The following RBL2 variants were observed in gnomAD, a reference collection of about 807,000 sequenced individuals.
RBL2 encodes the protein RB transcriptional corepressor like 2.
RBL2 carries 56 observed loss-of-function variants against 126.0 expected under a neutral mutation model. That is an observed-to-expected ratio of 0.44 (90% confidence interval 0.36 to 0.56). The LOEUF is 0.56. Among genes scored for constraint, RBL2 ranks in the 20% least tolerant of loss-of-function variants. The pLI is 0.00. For missense variants in RBL2, 1,229 were observed against 1,398.2 expected (o/e 0.88, Z 1.93); for synonymous variants, 454 against 478.5 (o/e 0.95, Z 0.67).
Position 53,459,581 on chromosome 16 carries a change from G to A in RBL2, c.1310G>A (p.Arg437Lys). ...CTTCACACCATGCTGACAGGCCTCA[G>A]GAATGCACCAAGTGAGAAACTGGAA... ...SRLHTMLTGL[R>K]NAPSEKLEQI... Residue 437 changes from arginine (R) to lysine (K), a missense_variant, in exon 9 of 22, where the codon AGG becomes AAG. Arg to Lys is a conservative substitution (Grantham distance 26). Around this residue, in one of 2 missense-constraint regions of RBL2, gnomAD observed 1,070 missense variants for 1,274.3 expected, o/e 0.84. Coordinates refer to ENST00000262133, the MANE Select transcript of RBL2 (RefSeq NM_005611.4). The A allele has an allele frequency of 1.3e-6, 2 of 1,579,222 alleles. No homozygotes were observed. The highest frequency in any genetic ancestry group is 8.6e-7 in the Non-Finnish European group (1 of 1,167,230).
At chr16:53,462,522 G>A (rs747868703) in intron 10 of RBL2, 30 bp from the exon 11 acceptor site, 6 of 1,325,892 alleles carry the variant, frequency 4.5e-6, no homozygotes, top group South Asian at 2.7e-5. Context: ...TGCCATTTTT[G>A]TGGGGTTTTT....
At chr16:53,443,030 A>G (rs1241992512) in intron 3 of RBL2, among the ~76,000 whole-genome samples, 172 bp downstream of exon 3, 2 of 151,956 alleles carry the variant, frequency 1.3e-5, no homozygotes. Flanking sequence ...TGGGTTAGCC[A>G]TGAAGAGTGG....
rs370755850 is a variant in RBL2, at chr16:53,456,191, G to C, written c.1179+1349G>C. On this transcript the variant is annotated intron_variant, in intron 8 of 21. Coordinates refer to ENST00000262133, the MANE Select transcript of RBL2 (RefSeq NM_005611.4). ...AGCCTGTCTTTAAAAAAAAAGAAAA[G>C]AAGAAGAAAAAGAAATGCAGGGAAG... is the stretch of plus-strand genomic sequence containing the variant. 1.0e-4 allele frequency among the ~76,000 whole-genome samples: 10 copies of C among 98,594 alleles called. No individual in the cohort carries two copies. The East Asian group carries it at 2.2e-3, about 22-fold the overall frequency. The allele number at this position is 98,594 out of a possible 152,430, so 64.7% of individuals were successfully genotyped here. A position where few individuals can be genotyped will look rare whatever the true frequency, so the allele number is the denominator to read the frequency against.
chr16:53,460,483 G>A (rs1022222385), intron 9 of RBL2, among the ~76,000 whole-genome samples: 2 of 152,120 alleles, frequency 1.3e-5, no homozygotes, highest in Admixed American at 6.6e-5. Context: ...CTCTTCCTGA[G>A]TCATGTTTTT....
chr16:53,485,941 GGAAAA>G (rs959265425), intron 21 of RBL2, among the ~76,000 whole-genome samples: 9 of 151,862 alleles, frequency 5.9e-5, no homozygotes, highest in African/African-American at 2.2e-4. Context: ...AGAATAATCA[GGAAAA>G]GAAATGACAC....
chr16:53,471,182 AT>A (rs753300615), intron 17 of RBL2, among the ~76,000 whole-genome samples: 12 of 152,214 alleles, frequency 7.9e-5, no homozygotes, highest in Non-Finnish European at 1.8e-4. Context: ...TACTTTTGGC[AT>A]ATATGCATAA....
chr16:53,439,177 A>G (rs1320199264), intron 2 of RBL2, 31 bp downstream of exon 2: 1 of 1,539,358 alleles, frequency 6.5e-7, no homozygotes, highest in Admixed American at 2.0e-5. Context: ...CAAGTAGAGT[A>G]TGGCTAATGT....
chr16:53,490,651 CTG>C lies in RBL2; in HGVS notation c.*355_*356del, dbSNP rs1473445619. 2 of 179,030 alleles carry C rather than the reference CTG, an allele frequency of 1.1e-5. No individual in the cohort carries two copies. Among genetic ancestry groups the C allele is most frequent in the Non-Finnish European group, 2.3e-5 (2 of 86,246 alleles). The allele number at this position is 179,030 out of a possible 1,614,324, so 11.1% of individuals were successfully genotyped here. A position where few individuals can be genotyped will look rare whatever the true frequency, so the allele number is the denominator to read the frequency against. ...CTGTTGACGTACTCCAACAGAAGAA[CTG>C]TGTTTCAAGTTCAATCCTACCTGTT... On this transcript the variant is annotated 3_prime_UTR_variant, in exon 22 of 22. Coordinates refer to ENST00000262133, the MANE Select transcript of RBL2 (RefSeq NM_005611.4).
At chr16:53,435,694 A>G (rs780577915) in intron 1 of RBL2, 1 of 1,289,122 alleles carries the variant, frequency 7.8e-7, no homozygotes, top group South Asian at 1.2e-5. Flanking sequence ...TTTATAATTA[A>G]TTTGTAGAAA....
intron 5 of RBL2, among the ~76,000 whole-genome samples, chr16:53,453,021 A>G (rs943388592): frequency 1.3e-5 from 2 of 152,162 alleles, no homozygotes; most frequent in African/African-American, 4.8e-5. Context: ...GTCTAGGGCA[A>G]GAATAAATTG....
intron 17 of RBL2, among the ~76,000 whole-genome samples, chr16:53,473,663 C>A (rs966897993): frequency 2.0e-5 from 3 of 151,816 alleles, no homozygotes; most frequent in African/African-American, 7.3e-5. Flanking sequence ...AATTATCTTG[C>A]TAGAACTTCC....
chr16:53,470,867 T>C lies in RBL2; in HGVS notation c.2648T>C (p.Met883Thr), dbSNP rs1160754860. Residue 883 changes from methionine to threonine, a missense_variant, in exon 17 of 22, where the codon ATG (methionine) becomes ACG (threonine). By Grantham distance (81) the Met-to-Thr change is moderately conservative (BLOSUM62 -1). This residue lies in a region of RBL2 where 1,070 missense variants were observed against 1,274.3 expected (regional missense o/e 0.84). Coordinates refer to ENST00000262133, the MANE Select transcript of RBL2 (RefSeq NM_005611.4). ...TCCATAATTCAGTGTCCTGAACTTA[T>C]GATGGACAGACATCTGGACCAGTTA... ...EFSIIQCPEL[M>T]MDRHLDQLLM... 5 of 1,614,118 alleles carry C rather than the reference T, an allele frequency of 3.1e-6. No individual in the cohort carries two copies. Among genetic ancestry groups the C allele is most frequent in the African/African-American group, 2.7e-5 (2 of 74,946 alleles).
chr16:53,452,395 T>TA (rs1485872070), intron 5 of RBL2, among the ~76,000 whole-genome samples: 2 of 152,198 alleles, frequency 1.3e-5, no homozygotes. Context: ...AAAAAGTATG[T>TA]ATAGAGTTAA....
chr16:53,451,570 C>A, intron 4 of RBL2, 133 bp from the exon 5 acceptor site: 2 of 917,660 alleles, frequency 2.2e-6, no homozygotes, highest in South Asian at 2.1e-5. Context: ...TGTAAATTTG[C>A]CAAAACACTT....
At position 53,491,142 on chromosome 16, in the gene RBL2, T is replaced by C. The variant is rs1157437907; in HGVS notation, c.*842T>C. The C allele has an allele frequency of 1.3e-5, 2 of 152,474 alleles. No individual in the cohort carries two copies. Among genetic ancestry groups the C allele is most frequent in the South Asian group, 4.1e-4 (2 of 4,832 alleles). 9.4% of individuals were successfully genotyped at this position (152,474 alleles called of 1,614,324 possible). On this transcript the variant is annotated 3_prime_UTR_variant, in exon 22 of 22. Coordinates refer to ENST00000262133, the MANE Select transcript of RBL2 (RefSeq NM_005611.4). The stretch of plus-strand genomic sequence containing the variant: ...TTTTAAATTCTCCAGTTTTTTGTTA[T>C]ATAGGGATCAACCAGCTAAGAAAAG...
chr16:53,458,707 T>C (rs1341815417), intron 8 of RBL2, among the ~76,000 whole-genome samples: 1 of 152,138 alleles, frequency 6.6e-6, no homozygotes, highest in African/African-American at 2.4e-5. Flanking sequence ...GTCCTCAGAA[T>C]CATGGTGTGA....
chr16:53,451,021 A>G (rs2058110012), intron 4 of RBL2, among the ~76,000 whole-genome samples: 1 of 152,210 alleles, frequency 6.6e-6, no homozygotes, highest in African/African-American at 2.4e-5. Flanking sequence ...AATTTTCATG[A>G]CAGAAAAATG....
chr16:53,472,634 A>T (rs979425985), intron 17 of RBL2, among the ~76,000 whole-genome samples: 3 of 152,234 alleles, frequency 2.0e-5, no homozygotes, highest in Middle Eastern at 6.8e-3. Flanking sequence ...TTTGGATACA[A>T]CTACCTTCTC....
chr16:53,490,935 C>T lies in RBL2; in HGVS notation c.*635C>T, dbSNP rs1383479084. 6.6e-6 allele frequency: 1 copy of T among 152,580 alleles called. No individual in the cohort carries two copies. The highest frequency in any genetic ancestry group is 1.5e-5 in the Non-Finnish European group (1 of 68,018). 9.5% of individuals were successfully genotyped at this position (152,580 alleles called of 1,614,324 possible). The stretch of plus-strand genomic sequence containing the variant: ...CTGAGTGAACCTGTATAAGTGGAGG[C>T]ACTTTAGGGCTGTAAAATGCATGAT... On this transcript the variant is annotated 3_prime_UTR_variant, in exon 22 of 22. Transcript: ENST00000262133.
Sources: gnomAD v4.1 joint callset for allele counts (sites outside exome capture counted in the v4.1 genomes callset) on GRCh38, gnomAD v4.1.1 for gene constraint, gnomAD v4.1.1 regional missense constraint, MANE v1.5 for transcripts, NCBI Gene and HGNC (gene_info 2026-07-23, HGNC 2026-07-21) for gene names.